The following CTNNA2 variants were observed in gnomAD, a reference collection of about 807,000 sequenced individuals.
The protein encoded by CTNNA2 is catenin alpha-2.
Under a neutral mutation model 101.0 loss-of-function variants are expected in CTNNA2, and 42 were observed. The observed-to-expected ratio is 0.42, with a 90% confidence interval of 0.32 to 0.54. The LOEUF (loss-of-function observed/expected upper bound fraction) is 0.54, where lower values mean the gene tolerates loss of function less well. CTNNA2 is among the 20% of genes least tolerant of loss of function. The probability of loss-of-function intolerance (pLI) is 0.14; values close to 1 mark genes in which losing one functional copy is unlikely to be tolerated. For synonymous variants in CTNNA2, 450 were observed against 456.4 expected (o/e 0.99, Z 0.18); for missense variants, 871 against 1,223.1 (o/e 0.71, Z 4.29).
chr2:80,320,376 CT>C (rs1160201558), intron 7 of CTNNA2, among the ~76,000 whole-genome samples: 1 of 152,184 alleles, frequency 6.6e-6, no homozygotes, highest in Non-Finnish European at 1.5e-5. Flanking sequence ...TAGAAAAAGC[CT>C]TAATGTTTAA....
intron 4 of CTNNA2, among the ~76,000 whole-genome samples, chr2:79,408,760 A>G (rs2104488359): frequency 6.6e-6 from 1 of 152,138 alleles, no homozygotes; most frequent in Admixed American, 6.6e-5. Context: ...CAATAAACAT[A>G]TGTGTGCATG....
chr2:80,194,494 G>T (rs576986606), intron 7 of CTNNA2, among the ~76,000 whole-genome samples: 249 of 147,250 alleles, frequency 1.7e-3, no homozygotes, highest in African/African-American at 5.9e-3. Flanking sequence ...TGATGTGATA[G>T]TTTTTTTTTT....
At chr2:79,411,639 C>T (rs1678412114) in intron 4 of CTNNA2, among the ~76,000 whole-genome samples, 1 of 152,028 alleles carries the variant, frequency 6.6e-6, no homozygotes, top group Admixed American at 6.6e-5. Context: ...CACATCCAGC[C>T]AAACTAAGCT....
In CTNNA2 at chr2:80,094,807, T is replaced by G. The variant is rs529153680; in HGVS notation, c.1056+185010T>G. 3.5e-3 allele frequency among the ~76,000 whole-genome samples: 526 copies of G among 152,298 alleles called. 2 individuals carry two copies. The highest frequency in any genetic ancestry group is 0.011 in the African/African-American group (472 of 41,558). ...TTCACTCATGATTTGGCTCTCTGTT[T>G]GTCTGTTTTTGGTGTATAAGAATGC... is the stretch of plus-strand genomic sequence containing the variant. On this transcript the variant is annotated intron_variant, in intron 7 of 18. Transcript: ENST00000402739.
chr2:79,510,502 T>C (rs1671512560), upstream of CTNNA2, among the ~76,000 whole-genome samples: 1 of 152,228 alleles, frequency 6.6e-6, no homozygotes, highest in Admixed American at 6.5e-5. Flanking sequence ...AATTTGGATT[T>C]TCCATAGGGT....
intron 7 of CTNNA2, among the ~76,000 whole-genome samples, chr2:79,943,397 A>G (rs2104464194): frequency 6.6e-6 from 1 of 152,290 alleles, no homozygotes; most frequent in Admixed American, 6.5e-5. Context: ...TTTGTATATC[A>G]TGTAGAAAAA....
At chr2:79,642,595 T>C (rs923615515) in intron 1 of CTNNA2, among the ~76,000 whole-genome samples, 3 of 152,078 alleles carry the variant, frequency 2.0e-5, no homozygotes, top group South Asian at 2.1e-4. Flanking sequence ...GGCTTTCCCA[T>C]AGTTTGGGCA....
intron 3 of CTNNA2, among the ~76,000 whole-genome samples, chr2:79,789,119 G>A (rs946329750): frequency 4.6e-5 from 7 of 152,194 alleles, no homozygotes; most frequent in African/African-American, 1.7e-4. Flanking sequence ...TGGACATTGC[G>A]TGTAAAGTAC....
chr2:79,931,739 C>G (rs2104423475), intron 7 of CTNNA2, among the ~76,000 whole-genome samples: 1 of 152,120 alleles, frequency 6.6e-6, no homozygotes, highest in Non-Finnish European at 1.5e-5. Flanking sequence ...TGGTAGTACC[C>G]TAAAAGGGGA....
intron 4 of CTNNA2, among the ~76,000 whole-genome samples, chr2:79,466,789 A>C (rs1670941912): frequency 6.6e-6 from 1 of 152,238 alleles, no homozygotes; most frequent in Non-Finnish European, 1.5e-5. Context: ...ACCTCCAGCA[A>C]GCTCCAACAG....
chr2:79,773,923 G>C (rs766355345), intron 3 of CTNNA2, among the ~76,000 whole-genome samples: 2 of 152,060 alleles, frequency 1.3e-5, no homozygotes, highest in Non-Finnish European at 2.9e-5. Flanking sequence ...GTAAAATCTT[G>C]GCTGCTGTAT....
In CTNNA2 at chr2:80,302,107, A is replaced by C; in HGVS notation, c.1057-91104A>C. On this transcript the variant is annotated intron_variant, in intron 7 of 18. Coordinates refer to ENST00000402739, the MANE Select transcript of CTNNA2 (RefSeq NM_001282597.3). The surrounding 1 kb of genome is among the most constrained non-coding windows in gnomAD (Gnocchi z 6.4). ...TAAGACACAATAAAGCTAAAATGTC[A>C]AGTCTCTGGGAGAGATCCCCTTAAA... 1.8e-6 allele frequency: 2 copies of C among 1,105,978 alleles called. No individual in the cohort carries two copies. The highest frequency in any genetic ancestry group is 2.5e-6 in the Non-Finnish European group (2 of 803,044). The allele number at this position is 1,105,978 out of a possible 1,614,324, so 68.5% of individuals were successfully genotyped here.
intron 2 of CTNNA2, among the ~76,000 whole-genome samples, chr2:79,293,519 A>G (rs1464654312): frequency 1.3e-5 from 2 of 152,198 alleles, no homozygotes; most frequent in Admixed American, 1.3e-4. Flanking sequence ...AAATCAAATA[A>G]GTACATAGAC....
At chr2:79,264,837 A>T (rs899006304) in intron 2 of CTNNA2, among the ~76,000 whole-genome samples, 1 of 152,138 alleles carries the variant, frequency 6.6e-6, no homozygotes, top group African/African-American at 2.4e-5. Context: ...AAGCTACTCT[A>T]GCAACTAAAG....
At chr2:79,338,591 T>TCTA (rs1403166012) in intron 3 of CTNNA2, among the ~76,000 whole-genome samples, 2 of 137,652 alleles carry the variant, frequency 1.5e-5, no homozygotes, top group African/African-American at 6.2e-5. Flanking sequence ...TTCTTCTTCT[T>TCTA]CTTCTTCTTC....
chr2:79,477,102 A>T (rs1341253660), intron 4 of CTNNA2, among the ~76,000 whole-genome samples: 6 of 151,460 alleles, frequency 4.0e-5, no homozygotes, highest in Non-Finnish European at 1.5e-5. Context: ...CAGAGTTTTA[A>T]TGTTAATAGA....
chr2:80,341,941 G>A (rs1259439917), intron 7 of CTNNA2, among the ~76,000 whole-genome samples: 3 of 152,202 alleles, frequency 2.0e-5, no homozygotes, highest in African/African-American at 7.2e-5. Context: ...AAAAAAGAAT[G>A]AAGTAGTAAT....
At chr2:79,653,403 A>C (rs1877189) in intron 2 of CTNNA2, among the ~76,000 whole-genome samples, 149,123 of 152,240 alleles carry the variant, frequency 0.98, 73,057 homozygotes, top group East Asian at 1. Context: ...TTGTGATTTT[A>C]CTATGCACAT....
chr2:80,375,028 G>A (rs1675809345), intron 7 of CTNNA2, among the ~76,000 whole-genome samples: 1 of 152,086 alleles, frequency 6.6e-6, no homozygotes, highest in Non-Finnish European at 1.5e-5. Flanking sequence ...GTGATTTGCA[G>A]CCTGCAGATT....
Sources: allele counts gnomAD v4.1 joint callset (sites outside exome capture counted in the v4.1 genomes callset), GRCh38; gene constraint gnomAD v4.1.1; non-coding constraint Gnocchi (gnomAD v3.1); transcripts MANE v1.5; gene names NCBI Gene and HGNC (gene_info 2026-07-23, HGNC 2026-07-21).